DDR2: variants seen among roughly 807,000 people sequenced by gnomAD.
DDR2 encodes the protein discoidin domain-containing receptor 2.
A neutral mutation model predicts 94.9 loss-of-function variants in DDR2; 27 were observed. That is an observed-to-expected ratio of 0.28 (90% CI 0.21 to 0.39). The LOEUF (loss-of-function observed/expected upper bound fraction) is 0.39, where lower values mean the gene tolerates loss of function less well. Among genes scored for constraint, DDR2 ranks in the 10% least tolerant of loss-of-function variants. The pLI is 1.00. For synonymous variants in DDR2, 382 were observed against 377.2 expected, an observed-to-expected ratio of 1.01 and a Z score of -0.15; for missense variants, 783 against 1,076.0, an observed-to-expected ratio of 0.73 and a Z score of 3.81.
chr1:162,765,538 G>T (rs957323615), intron 9 of DDR2, among the ~76,000 whole-genome samples: 6 of 152,012 alleles, frequency 3.9e-5, no homozygotes, highest in African/African-American at 1.4e-4. Flanking sequence ...TAAAGATTAA[G>T]CCTTAATTCA....
chr1:162,684,178 T>C (rs1659548344), intron 2 of DDR2, among the ~76,000 whole-genome samples: 2 of 152,200 alleles, frequency 1.3e-5, no homozygotes, highest in Non-Finnish European at 1.5e-5. Context: ...ACAAGTGAGT[T>C]CTTCCAGTTA....
At chr1:162,712,900 T>C (rs117971162) in intron 2 of DDR2, among the ~76,000 whole-genome samples, 1 of 152,230 alleles carries the variant, frequency 6.6e-6, no homozygotes, top group East Asian at 1.9e-4. Context: ...ATATGCAAGA[T>C]CCTTGACCTT....
upstream of DDR2, among the ~76,000 whole-genome samples, chr1:162,631,003 A>G (rs2101872594): frequency 6.6e-6 from 1 of 152,246 alleles, no homozygotes; most frequent in African/African-American, 2.4e-5. Flanking sequence ...GCTGCCTTTA[A>G]TCATTTCCAT....
intron 2 of DDR2, among the ~76,000 whole-genome samples, chr1:162,688,921 A>G (rs748418673): frequency 2.6e-5 from 4 of 152,162 alleles, no homozygotes; most frequent in Non-Finnish European, 5.9e-5. Context: ...GGGGGCTCAT[A>G]CCCTGGTGCT....
At chr1:162,721,926 G>A (rs1414208017) in intron 3 of DDR2, among the ~76,000 whole-genome samples, 6 of 152,166 alleles carry the variant, frequency 3.9e-5, no homozygotes, top group African/African-American at 1.4e-4. Flanking sequence ...ATAATAATTA[G>A]TTGAAGCTCA....
chr1:162,675,229 G>A (rs1022843498), intron 2 of DDR2, among the ~76,000 whole-genome samples: 1 of 152,226 alleles, frequency 6.6e-6, no homozygotes, highest in South Asian at 2.1e-4. Context: ...ATGGTCCAGG[G>A]ATGATGCTGG....
intron 3 of DDR2, among the ~76,000 whole-genome samples, chr1:162,735,963 G>C (rs2102070397): frequency 6.6e-6 from 1 of 152,286 alleles, no homozygotes; most frequent in African/African-American, 2.4e-5. Context: ...TGCATTCATG[G>C]CCTAGTGTTT....
chr1:162,750,324 A>G (rs1403712589), intron 3 of DDR2, among the ~76,000 whole-genome samples: 5 of 152,210 alleles, frequency 3.3e-5, no homozygotes, highest in Non-Finnish European at 7.3e-5. Flanking sequence ...TGTGCAAAAA[A>G]TCACAAGCAT....
At chr1:162,765,510 A>G (rs1358154433) in intron 9 of DDR2, among the ~76,000 whole-genome samples, 1 of 152,094 alleles carries the variant, frequency 6.6e-6, no homozygotes, top group African/African-American at 2.4e-5. Context: ...AAGACACTCC[A>G]ATGTCAGTAA....
intron 2 of DDR2, among the ~76,000 whole-genome samples, chr1:162,679,176 TC>T (rs2101953273): frequency 6.6e-6 from 1 of 152,202 alleles, no homozygotes; most frequent in South Asian, 2.1e-4. Context: ...GTTTTTTTTT[TC>T]TGATTCTCTC....
chr1:162,755,718 G>T lies in DDR2; in HGVS notation c.620G>T (p.Gly207Val). The change falls in exon 7 of 18, where the codon GGT becomes GTT. Residue 207 changes from glycine to valine, a missense_variant. Gly to Val is a moderately radical substitution (Grantham distance 109). Coordinates refer to ENST00000367921, the MANE Select transcript of DDR2 (RefSeq NM_006182.4). ...PAGQQFVLPGGSIIYLNDSVY... is the reference protein window; with the variant it reads ...PAGQQFVLPGVSIIYLNDSVY... ...GGGCAGCAGTTTGTACTCCCTGGAGGTTCCATCATTTATCTGAATGATTCT... is the reference window on the plus strand; with the variant it reads ...GGGCAGCAGTTTGTACTCCCTGGAGTTTCCATCATTTATCTGAATGATTCT... 1 of 1,614,144 alleles carries T rather than the reference G, an allele frequency of 6.2e-7. No homozygotes were observed. Among genetic ancestry groups the T allele is most frequent in the Non-Finnish European group, 8.5e-7 (1 of 1,180,008 alleles).
intron 1 of DDR2, among the ~76,000 whole-genome samples, chr1:162,649,292 A>G (rs1441006982): frequency 6.6e-6 from 1 of 152,154 alleles, no homozygotes; most frequent in Non-Finnish European, 1.5e-5. Flanking sequence ...AACTTTTTGG[A>G]TCATGGAGCT....
intron 3 of DDR2, among the ~76,000 whole-genome samples, chr1:162,737,591 C>A (rs574006460): frequency 0.05 from 5,861 of 118,208 alleles, 168 homozygotes; most frequent in Admixed American, 0.066. Context: ...CAAGTCTTTG[C>A]TATTGTGAAT....
chr1:162,767,684 A>G (rs990855819), intron 11 of DDR2, among the ~76,000 whole-genome samples: 32 of 152,168 alleles, frequency 2.1e-4, no homozygotes, highest in African/African-American at 7.7e-4. Flanking sequence ...TATTTAAAAA[A>G]AAATTTAACA....
At chr1:162,703,895 A>G (rs1660540594) in intron 2 of DDR2, among the ~76,000 whole-genome samples, 2 of 152,082 alleles carry the variant, frequency 1.3e-5, no homozygotes, top group African/African-American at 2.4e-5. Flanking sequence ...CGGGATCCCC[A>G]TGGGATTGAT....
chr1:162,757,671 G>A (rs1663525312), intron 7 of DDR2, among the ~76,000 whole-genome samples: 1 of 152,150 alleles, frequency 6.6e-6, no homozygotes, highest in African/African-American at 2.4e-5. Context: ...GGAAGGACAT[G>A]ATTGGAGCTG....
At chr1:162,751,331 G>A (rs900933967) in intron 3 of DDR2, among the ~76,000 whole-genome samples, 4 of 152,118 alleles carry the variant, frequency 2.6e-5, no homozygotes, top group Non-Finnish European at 4.4e-5. Flanking sequence ...CAAAAAATGG[G>A]CAAAGAATAT....
At position 162,661,360 on chromosome 1, in the gene DDR2, G is replaced by A. The variant is rs1014854724; in HGVS notation, c.-28+5986G>A. On this transcript the variant is annotated intron_variant, in intron 2 of 17. Transcript: ENST00000367921. ...CAAGGAAATAAAAAGACTTGTACAA[G>A]TTGGTTATAATACACATTTTACTCC... Among the ~76,000 whole-genome samples, 3 of 152,218 alleles carry A rather than the reference G, an allele frequency of 2.0e-5. No homozygotes were observed. The South Asian group carries it at 6.2e-4, about 32-fold the overall frequency.
chr1:162,702,075 T>A (rs1660457495), intron 2 of DDR2, among the ~76,000 whole-genome samples: 1 of 152,216 alleles, frequency 6.6e-6, no homozygotes, highest in Admixed American at 6.5e-5. Context: ...TTACCTTCTC[T>A]GAGAAGAGTC....
Sources: allele counts gnomAD v4.1 joint callset (sites outside exome capture counted in the v4.1 genomes callset), GRCh38; gene constraint gnomAD v4.1.1; transcripts MANE v1.5; gene names NCBI Gene and HGNC (gene_info 2026-07-23, HGNC 2026-07-21).